MPP7: variants seen among roughly 807,000 people sequenced by gnomAD.
MPP7 encodes the protein MAGUK p55 scaffold protein 7.
Under a neutral mutation model 76.5 loss-of-function variants are expected in MPP7, and 60 were observed. The observed-to-expected ratio is 0.78, with a 90% CI of 0.64 to 0.97. The LOEUF (loss-of-function observed/expected upper bound fraction) is 0.97. Among genes scored for constraint, MPP7 ranks in the 50% least tolerant of loss-of-function variants. The pLI, the probability that MPP7 is intolerant of heterozygous loss-of-function variation, is 0.00. For synonymous variants in MPP7, 237 were observed against 244.5 expected (o/e 0.97, Z 0.29); for missense variants, 641 against 694.0 (o/e 0.92, Z 0.86).
chr10:28,120,972 G>A (rs1834816975), intron 8 of MPP7, among the ~76,000 whole-genome samples: 1 of 152,094 alleles, frequency 6.6e-6, no homozygotes, highest in Non-Finnish European at 1.5e-5. Flanking sequence ...CACAAAATAT[G>A]CACAACACCT....
intron 2 of MPP7, among the ~76,000 whole-genome samples, chr10:28,322,667 C>T (rs568172990): frequency 1.3e-5 from 2 of 152,254 alleles, no homozygotes; most frequent in South Asian, 2.1e-4. Flanking sequence ...TGTCACTTCT[C>T]CAGTTTCTCC....
chr10:28,193,484 T>C lies in MPP7; in HGVS notation c.156+8669A>G, dbSNP rs111949131. On this transcript the variant is annotated intron_variant, in intron 3 of 16. Transcript: ENST00000683449. ...CCTCGGCCTCCCAAAGTGCCGGGAT[T>C]ACAGGCGTGAGTCACCATGACTGGC... 4.4e-3 allele frequency among the ~76,000 whole-genome samples: 666 copies of C among 152,312 alleles called. 5 individuals carry two copies. The highest frequency in any genetic ancestry group is 0.015 in the African/African-American group (608 of 41,570).
chr10:28,069,945 A>ATGGATGCAAAGC, intron 12 of MPP7, 93 bp from the exon 13 acceptor site: 2 of 847,122 alleles, frequency 2.4e-6, no homozygotes, highest in Non-Finnish European at 3.9e-6. Flanking sequence ...GACTGAAAAC[A>ATGGATGCAAAGC]TGGATCCAGC....
At chr10:28,214,124 A>G (rs1838234502) in intron 2 of MPP7, among the ~76,000 whole-genome samples, 2 of 152,166 alleles carry the variant, frequency 1.3e-5, no homozygotes, top group South Asian at 4.1e-4. Flanking sequence ...TACAAGATAA[A>G]CAGCAGTTTT....
At chr10:28,304,827 TATTC>T (rs1430056933), upstream of MPP7, among the ~76,000 whole-genome samples, 1 of 152,204 alleles carries the variant, frequency 6.6e-6, no homozygotes, top group African/African-American at 2.4e-5. Flanking sequence ...ATTATTCTTT[TATTC>T]ATTTACTCAT....
intron 2 of MPP7, among the ~76,000 whole-genome samples, chr10:28,319,986 C>G (rs2133182563): frequency 6.6e-6 from 1 of 152,164 alleles, no homozygotes; most frequent in East Asian, 1.9e-4. Flanking sequence ...ATTTTATTCA[C>G]CCAAATTATT....
chr10:28,203,233 T>C (rs957373635), intron 2 of MPP7: 1 of 152,212 alleles, frequency 6.6e-6, no homozygotes, highest in Non-Finnish European at 1.5e-5. Context: ...GGGACTGTTG[T>C]TATTTTTGGT....
intron 3 of MPP7, among the ~76,000 whole-genome samples, chr10:28,184,133 T>C (rs1588895316): frequency 6.7e-6 from 1 of 149,424 alleles, no homozygotes; most frequent in East Asian, 2.0e-4. Context: ...AAGATATATA[T>C]CTTACATATA....
chr10:28,311,198 T>C (rs1841287658), intron 2 of MPP7, among the ~76,000 whole-genome samples: 1 of 152,196 alleles, frequency 6.6e-6, no homozygotes, highest in Non-Finnish European at 1.5e-5. Flanking sequence ...ATTATATTTA[T>C]TTTTTTCTAT....
At chr10:28,144,097 C>A (rs2133744840) in intron 5 of MPP7, among the ~76,000 whole-genome samples, 1 of 152,194 alleles carries the variant, frequency 6.6e-6, no homozygotes, top group Non-Finnish European at 1.5e-5. Flanking sequence ...CCATGTTGGC[C>A]AGGCTGGTCT....
intron 1 of MPP7, among the ~76,000 whole-genome samples, chr10:28,241,084 A>G (rs1161160360): frequency 6.6e-6 from 1 of 152,166 alleles, no homozygotes; most frequent in East Asian, 1.9e-4. Context: ...AGCTTAAAGA[A>G]CTTACAATGT....
At chr10:28,082,203 C>T (rs1190999723) in intron 12 of MPP7, among the ~76,000 whole-genome samples, 1 of 152,118 alleles carries the variant, frequency 6.6e-6, no homozygotes, top group Admixed American at 6.5e-5. Context: ...TCAGGAATAA[C>T]CCAGAATTTC....
chr10:28,067,780 G>C (rs1023166150), intron 13 of MPP7, among the ~76,000 whole-genome samples: 4 of 152,076 alleles, frequency 2.6e-5, no homozygotes, highest in African/African-American at 9.7e-5. Flanking sequence ...AGTCAGTTTT[G>C]ACTACTTACT....
At chr10:28,204,368 C>T (rs547956109) in intron 2 of MPP7, among the ~76,000 whole-genome samples, 8 of 146,426 alleles carry the variant, frequency 5.5e-5, no homozygotes, top group African/African-American at 1.8e-4. Context: ...ACTTGAACCC[C>T]GGAGGTGGAG....
chr10:28,194,435 T>A (rs1837514047), intron 3 of MPP7, among the ~76,000 whole-genome samples: 1 of 152,150 alleles, frequency 6.6e-6, no homozygotes, highest in Admixed American at 6.5e-5. Context: ...TTATAGAAAG[T>A]TTACCTGTAA....
At chr10:28,089,315 C>T (rs1027969857) in intron 12 of MPP7, among the ~76,000 whole-genome samples, 19 of 152,178 alleles carry the variant, frequency 1.2e-4, no homozygotes, top group Non-Finnish European at 1.3e-4. Context: ...CCATCTGAAG[C>T]TTGTACCATG....
chr10:28,225,603 C>T (rs1453691943), intron 2 of MPP7, among the ~76,000 whole-genome samples: 2 of 152,138 alleles, frequency 1.3e-5, no homozygotes, highest in Non-Finnish European at 2.9e-5. Flanking sequence ...AAATCAAAAT[C>T]ACAATGAAAT....
chr10:28,165,716 A>G (rs1663318111), intron 3 of MPP7, among the ~76,000 whole-genome samples: 1 of 152,138 alleles, frequency 6.6e-6, no homozygotes, highest in Non-Finnish European at 1.5e-5. Context: ...AATTAGAATA[A>G]AAGTAAAATT....
intron 12 of MPP7, among the ~76,000 whole-genome samples, chr10:28,083,311 G>A (rs905827610): frequency 1.5e-4 from 23 of 152,068 alleles, no homozygotes; most frequent in African/African-American, 4.8e-4. Flanking sequence ...ACATAAAACC[G>A]CCTTGGCCAT....
Sources: allele counts gnomAD v4.1 joint callset (sites outside exome capture counted in the v4.1 genomes callset), GRCh38; gene constraint gnomAD v4.1.1; transcripts MANE v1.5; gene names NCBI Gene and HGNC (gene_info 2026-07-23, HGNC 2026-07-21).